Variants in DPYD observed in about 807,000 individuals in gnomAD.
The protein encoded by DPYD is dihydropyrimidine dehydrogenase, also known as dihydropyrimidine dehydrogenase [NADP(+)].
Under a neutral mutation model 116.2 loss-of-function variants are expected in DPYD, and 109 were observed. The ratio of observed to expected loss-of-function variants is 0.94; its 90% CI spans 0.80 to 1.10. The LOEUF is 1.10. DPYD is among the 50% of genes least tolerant of loss of function. DPYD has a pLI of 0.00. For missense variants in DPYD, 1,302 were observed against 1,254.5 expected (o/e 1.04, Z -0.57); for synonymous variants, 440 against 432.0 (o/e 1.02, Z -0.23).
chr1:97,330,905 C>T (rs1026541596), intron 16 of DPYD, among the ~76,000 whole-genome samples: 1 of 152,086 alleles, frequency 6.6e-6, no homozygotes, highest in Admixed American at 6.5e-5. Flanking sequence ...AATATTGGTA[C>T]ATGAAAGACA....
intron 12 of DPYD, among the ~76,000 whole-genome samples, chr1:97,524,473 G>C (rs751175069): frequency 3.3e-5 from 5 of 152,210 alleles, no homozygotes; most frequent in African/African-American, 4.8e-5. Flanking sequence ...TTTCCACAAG[G>C]GGCTTGTGGT....
chr1:97,367,208 G>A (rs143454920), intron 16 of DPYD, among the ~76,000 whole-genome samples: 1,963 of 152,008 alleles, frequency 0.013, 24 homozygotes, highest in South Asian at 0.024. Flanking sequence ...AAGGGTAAGA[G>A]TAATAATCTG....
In DPYD at chr1:97,174,217, A is replaced by C. The variant is rs1209864436; in HGVS notation, c.2622+18852T>G. Reference sequence around the variant, plus strand: ...AATCAATTTAAGGTTCTGTTCTGGAAGCTTTGGCCTCAGGCAAGGCCAGCT... The same window carrying C: ...AATCAATTTAAGGTTCTGTTCTGGACGCTTTGGCCTCAGGCAAGGCCAGCT... On this transcript the variant is annotated intron_variant, in intron 20 of 22. Coordinates refer to ENST00000370192, the MANE Select transcript of DPYD (RefSeq NM_000110.4). 3.3e-5 allele frequency among the ~76,000 whole-genome samples: 5 copies of C among 152,258 alleles called. No homozygotes were observed. In the South Asian group the frequency reaches 1.0e-3, roughly 32 times the overall value.
intron 6 of DPYD, among the ~76,000 whole-genome samples, chr1:97,696,717 A>G (rs1319510975): frequency 1.3e-5 from 2 of 152,166 alleles, no homozygotes; most frequent in African/African-American, 2.4e-5. Flanking sequence ...ATGTGATGAA[A>G]TATATCTATA....
intron 2 of DPYD, among the ~76,000 whole-genome samples, chr1:97,861,788 A>T (rs1558015113): frequency 6.6e-6 from 1 of 151,968 alleles, no homozygotes; most frequent in Non-Finnish European, 1.5e-5. Context: ...TAATTGTTGG[A>T]GACAATGCGG....
At chr1:97,192,077 T>C (rs1658412080) in intron 20 of DPYD, among the ~76,000 whole-genome samples, 1 of 149,416 alleles carries the variant, frequency 6.7e-6, no homozygotes, top group African/African-American at 2.4e-5. Context: ...TTTTCATTAC[T>C]GGACTTGCAA....
chr1:97,815,955 G>A (rs978030864), intron 3 of DPYD, among the ~76,000 whole-genome samples: 4 of 152,132 alleles, frequency 2.6e-5, no homozygotes, highest in African/African-American at 9.7e-5. Context: ...ATTGAAATTA[G>A]GGTTTATTCC....
At chr1:97,501,370 A>G (rs1304888832) in intron 13 of DPYD, among the ~76,000 whole-genome samples, 2 of 150,936 alleles carry the variant, frequency 1.3e-5, no homozygotes, top group African/African-American at 4.9e-5. Context: ...AACTTGAGTA[A>G]ATTTTCAATC....
chr1:97,848,103 CTTCTT>C (rs1444349919), intron 2 of DPYD, among the ~76,000 whole-genome samples: 2 of 151,924 alleles, frequency 1.3e-5, no homozygotes, highest in African/African-American at 2.4e-5. Flanking sequence ...GAAAATATCA[CTTCTT>C]TTTTTTTGAG....
At chr1:97,189,818 G>A (rs1003569000) in intron 20 of DPYD, among the ~76,000 whole-genome samples, 1 of 152,140 alleles carries the variant, frequency 6.6e-6, no homozygotes, top group African/African-American at 2.4e-5. Flanking sequence ...TCCAGCCCCA[G>A]CAAGGTGTGG....
chr1:97,226,330 G>C (rs545953645), intron 19 of DPYD, among the ~76,000 whole-genome samples: 3 of 152,090 alleles, frequency 2.0e-5, no homozygotes, highest in African/African-American at 7.2e-5. Context: ...TTAAGAACAA[G>C]ACAAGGATGC....
intron 13 of DPYD, among the ~76,000 whole-genome samples, chr1:97,476,722 G>A (rs1028891834): frequency 2.0e-5 from 3 of 151,762 alleles, no homozygotes; most frequent in Non-Finnish European, 4.4e-5. Flanking sequence ...TAGCATTATC[G>A]CAACAAAAAT....
chr1:97,659,610 A>T (rs1659138105), intron 8 of DPYD, among the ~76,000 whole-genome samples: 1 of 152,170 alleles, frequency 6.6e-6, no homozygotes, highest in South Asian at 2.1e-4. Context: ...CTTCAACTAA[A>T]GTTGAAAGCT....
intron 10 of DPYD, among the ~76,000 whole-genome samples, chr1:97,577,654 A>G (rs981495775): frequency 6.6e-6 from 1 of 152,066 alleles, no homozygotes; most frequent in African/African-American, 2.4e-5. Context: ...GCCTGTCCCA[A>G]TCATTGAAGG....
intron 2 of DPYD, among the ~76,000 whole-genome samples, chr1:97,879,645 G>A (rs932992758): frequency 2.2e-4 from 33 of 151,832 alleles, no homozygotes; most frequent in African/African-American, 8.0e-4. Context: ...AGTACTAGAA[G>A]AATATTAAAC....
Position 97,241,050 on chromosome 1 carries a change from G to A in DPYD, c.2300-6056C>T, listed in dbSNP as rs867255943. On this transcript the variant is annotated intron_variant, in intron 18 of 22. Coordinates refer to ENST00000370192, the MANE Select transcript of DPYD (RefSeq NM_000110.4). ...ATTTGATGTTATTTTAGTTTTTTCA[G>A]AAAAGCTAAAAATTTCTTCTGAAAA... Among the ~76,000 whole-genome samples the A allele has an allele frequency of 1.6e-4, 25 of 152,038 alleles. No individual in the cohort carries two copies. The Middle Eastern group carries it at 0.01, about 62-fold the overall frequency.
chr1:97,769,946 A>G (rs1406754893), intron 3 of DPYD, among the ~76,000 whole-genome samples: 1 of 152,206 alleles, frequency 6.6e-6, no homozygotes, highest in East Asian at 1.9e-4. Flanking sequence ...TTGGAGACTG[A>G]TTTATAGAAG....
intron 20 of DPYD, among the ~76,000 whole-genome samples, chr1:97,126,312 A>C (rs780192231): frequency 1.3e-5 from 2 of 152,120 alleles, no homozygotes; most frequent in Non-Finnish European, 2.9e-5. Context: ...ATAGATTATA[A>C]GGCATTTTTA....
chr1:97,325,092 A>T (rs1234755184), intron 16 of DPYD, among the ~76,000 whole-genome samples: 1 of 152,104 alleles, frequency 6.6e-6, no homozygotes, highest in Non-Finnish European at 1.5e-5. Flanking sequence ...ATACAAAATC[A>T]TATTAGTACT....
Sources: allele counts gnomAD v4.1 joint callset (sites outside exome capture counted in the v4.1 genomes callset), GRCh38; gene constraint gnomAD v4.1.1; transcripts MANE v1.5; gene names NCBI Gene and HGNC (gene_info 2026-07-23, HGNC 2026-07-21).